The following LIPA variants were observed in gnomAD, a reference collection of about 807,000 sequenced individuals.
The protein encoded by LIPA is lysosomal acid lipase/cholesteryl ester hydrolase.
Under a neutral mutation model 40.6 loss-of-function variants are expected in LIPA, and 26 were observed. The ratio of observed to expected loss-of-function variants is 0.64; its 90% confidence interval spans 0.47 to 0.89. The LOEUF (loss-of-function observed/expected upper bound fraction) is 0.89, where lower values mean the gene tolerates loss of function less well. Among genes scored for constraint, LIPA ranks in the 40% least tolerant of loss-of-function variants. The pLI, the probability that LIPA is intolerant of heterozygous loss-of-function variation, is 0.00. For missense variants in LIPA, 455 were observed against 479.6 expected (o/e 0.95, Z 0.48); for synonymous variants, 188 against 168.4 (o/e 1.12, Z -0.90).
intron 3 of LIPA, among the ~76,000 whole-genome samples, chr10:89,235,395 G>C (rs1041213569): frequency 6.6e-6 from 1 of 152,210 alleles, no homozygotes; most frequent in African/African-American, 2.4e-5. Flanking sequence ...AAAGACTAAA[G>C]GACCATTTCT....
At chr10:89,401,707 A>G (rs560776943) in intron 2 of LIPA, among the ~76,000 whole-genome samples, 2 of 151,902 alleles carry the variant, frequency 1.3e-5, no homozygotes, top group Non-Finnish European at 2.9e-5. Flanking sequence ...CATTGGAGAA[A>G]GTGGGTGAAG....
intron 1 of LIPA, among the ~76,000 whole-genome samples, chr10:89,304,648 C>A (rs1043440692): frequency 6.6e-6 from 1 of 152,138 alleles, no homozygotes; most frequent in Non-Finnish European, 1.5e-5. Flanking sequence ...GACTCCAATA[C>A]ACAGACAGTG....
chr10:89,319,985 G>T (rs1443905301), intron 1 of LIPA, among the ~76,000 whole-genome samples: 1 of 152,176 alleles, frequency 6.6e-6, no homozygotes, highest in African/African-American at 2.4e-5. Context: ...TATCTCAATA[G>T]ATGCAGAAAA....
chr10:89,281,579 T>TC (rs1463967051), intron 1 of LIPA, among the ~76,000 whole-genome samples: 2 of 152,186 alleles, frequency 1.3e-5, no homozygotes, highest in African/African-American at 4.8e-5. Context: ...CTCCAATAGA[T>TC]CAAGTAATTA....
At chr10:89,240,796 G>C (rs1300825517) in intron 3 of LIPA, among the ~76,000 whole-genome samples, 1 of 152,100 alleles carries the variant, frequency 6.6e-6, no homozygotes, top group Non-Finnish European at 1.5e-5. Context: ...CCCAGGAGTA[G>C]GAAATCCTTC....
At chr10:89,288,622 G>T (rs771308858) in intron 1 of LIPA, among the ~76,000 whole-genome samples, 1 of 151,610 alleles carries the variant, frequency 6.6e-6, no homozygotes, top group African/African-American at 2.4e-5. Flanking sequence ...CTTCTTTCCT[G>T]TTCCTCATCC....
intron 1 of LIPA, among the ~76,000 whole-genome samples, chr10:89,413,194 T>A (rs934898782): frequency 2.0e-5 from 3 of 152,260 alleles, no homozygotes; most frequent in African/African-American, 7.2e-5. Context: ...TTGCAACTTA[T>A]AAAAAGCAGA....
chr10:89,363,072 G>A, intron 2 of LIPA: 1 of 226,422 alleles, frequency 4.4e-6, no homozygotes. Flanking sequence ...TTTTCTATAT[G>A]CAGCCCAGTT....
intron 1 of LIPA, among the ~76,000 whole-genome samples, chr10:89,280,589 C>T (rs1843309858): frequency 6.6e-6 from 1 of 152,262 alleles, no homozygotes; most frequent in Admixed American, 6.5e-5. Context: ...TTGGTCCCAG[C>T]TTCACCCATT....
At chr10:89,330,650 G>C (rs1334879924) in intron 1 of LIPA, among the ~76,000 whole-genome samples, 1 of 152,168 alleles carries the variant, frequency 6.6e-6, no homozygotes, top group East Asian at 1.9e-4. Context: ...GCATTTTAAG[G>C]ATAAGGGAAT....
At chr10:89,233,260 T>C (rs560719148) in intron 3 of LIPA, among the ~76,000 whole-genome samples, 1 of 152,306 alleles carries the variant, frequency 6.6e-6, no homozygotes, top group East Asian at 1.9e-4. Flanking sequence ...CTAAATGTTT[T>C]CAAATCTGGA....
chr10:89,262,429 C>G (rs1470921361), intron 1 of LIPA, among the ~76,000 whole-genome samples: 3 of 152,206 alleles, frequency 2.0e-5, no homozygotes, highest in African/African-American at 7.2e-5. Flanking sequence ...CTTTGTCTCT[C>G]TGTACCTACA....
intron 2 of LIPA, among the ~76,000 whole-genome samples, chr10:89,409,877 T>G (rs1841456684): frequency 6.6e-6 from 1 of 152,226 alleles, no homozygotes; most frequent in South Asian, 2.1e-4. Flanking sequence ...AGCTATTATC[T>G]AAACGAATAT....
In LIPA at chr10:89,225,088, G is replaced by A. The variant is rs1401647019; in HGVS notation, c.675+4C>T. 6.2e-7 allele frequency: 1 copy of A among 1,613,908 alleles called. No individual in the cohort carries two copies. The highest frequency in any genetic ancestry group is 2.2e-5 in the East Asian group (1 of 44,890). On this transcript the variant is annotated splice_donor_region_variant and intron_variant, in intron 6 of 9. Transcript: ENST00000336233. ...GAGGAGAGGGATGGGAGGGGTCCAA[G>A]TACCTTAATGAGATGATCTGGTAAT...
At chr10:89,224,980 T>A in intron 6 of LIPA, 112 bp downstream of exon 6, 1 of 1,344,936 alleles carries the variant, frequency 7.4e-7, no homozygotes, top group South Asian at 1.2e-5. Context: ...ACTGCTCCAC[T>A]GATATCAAAA....
chr10:89,231,874 G>T (rs1237464153), intron 3 of LIPA, among the ~76,000 whole-genome samples: 1 of 152,098 alleles, frequency 6.6e-6, no homozygotes. Context: ...ACAAGATTAG[G>T]GCTGCTTTAT....
At chr10:89,278,708 T>C (rs920877648) in intron 1 of LIPA, among the ~76,000 whole-genome samples, 8 of 152,090 alleles carry the variant, frequency 5.3e-5, no homozygotes, top group Non-Finnish European at 8.8e-5. Context: ...TAAAATATAA[T>C]TGAATTGTGA....
At chr10:89,235,559 C>T (rs908197278) in intron 3 of LIPA, among the ~76,000 whole-genome samples, 4 of 152,230 alleles carry the variant, frequency 2.6e-5, no homozygotes, top group Non-Finnish European at 5.9e-5. Context: ...ATGTGCTGAG[C>T]CCACAGTCCC....
chr10:89,411,712 C>T (rs1476098539), intron 2 of LIPA, among the ~76,000 whole-genome samples: 1 of 152,234 alleles, frequency 6.6e-6, no homozygotes, highest in Non-Finnish European at 1.5e-5. Context: ...CTCCTCACTG[C>T]TGAGAAAGGA....
Sources: allele counts gnomAD v4.1 joint callset (sites outside exome capture counted in the v4.1 genomes callset), GRCh38; gene constraint gnomAD v4.1.1; transcripts MANE v1.5; gene names NCBI Gene and HGNC (gene_info 2026-07-23, HGNC 2026-07-21).